The following CDYL variants were observed in gnomAD, a reference collection of about 807,000 sequenced individuals.
CDYL encodes chromodomain Y-like protein.
CDYL carries 8 observed loss-of-function variants against 47.3 expected under a neutral mutation model. That is an observed-to-expected ratio of 0.17 (90% CI 0.10 to 0.31). CDYL has a LOEUF of 0.31. Ranked by LOEUF, CDYL falls within the 10% of genes least tolerant of loss-of-function variation. The pLI, the probability that CDYL is intolerant of heterozygous loss-of-function variation, is 1.00. For synonymous variants in CDYL, 266 were observed against 265.0 expected (o/e 1.00, Z -0.04); for missense variants, 471 against 701.4 (o/e 0.67, Z 3.71).
Position 4,943,770 on chromosome 6 carries a change from TAAAAA to T in CDYL, c.1332+27_1332+31del. The T allele has an allele frequency of 2.6e-6, 3 of 1,172,860 alleles. No homozygotes were observed. The highest frequency in any genetic ancestry group is 3.6e-6 in the Non-Finnish European group (3 of 843,312). The allele number at this position is 1,172,860 out of a possible 1,614,324, so 72.7% of individuals were successfully genotyped here. A position where few individuals can be genotyped will look rare whatever the true frequency, so the allele number is the denominator to read the frequency against. ...GGAGGAGCATCTGTGAGTACCTTTT[TAAAAA>T]AAAAAAAAAAAAGTCATTCTAGAAA... On this transcript the variant is annotated intron_variant, in intron 5 of 6. Transcript: ENST00000397588.
chr6:4,791,414 G>A (rs952226046), intron 1 of CDYL, among the ~76,000 whole-genome samples: 12 of 152,286 alleles, frequency 7.9e-5, no homozygotes, highest in African/African-American at 2.2e-4. Context: ...TTTAGTTCAC[G>A]TCAAAATCTG....
intron 3 of CDYL, among the ~76,000 whole-genome samples, chr6:4,738,788 GATAA>G (rs1757746590): frequency 6.6e-6 from 1 of 152,214 alleles, no homozygotes; most frequent in African/African-American, 2.4e-5. Flanking sequence ...TAGAAGAATG[GATAA>G]ATAAACTACA....
rs183843932 is a variant in CDYL at position 4,837,988 on chromosome 6, G to C, written c.25-53725G>C. Among the ~76,000 whole-genome samples the C allele has an allele frequency of 3.7e-4, 56 of 151,352 alleles. 1 individual carries two copies. The East Asian group carries it at 0.01, about 27-fold the overall frequency. Reference sequence around the variant, plus strand: ...AGATGGGGTTTTGCCATGTTACCCAGGCTCATCTCGAACTCCTGGGCTCAA... The same window carrying C: ...AGATGGGGTTTTGCCATGTTACCCACGCTCATCTCGAACTCCTGGGCTCAA... On this transcript the variant is annotated intron_variant, in intron 1 of 6. Coordinates refer to ENST00000397588, the MANE Select transcript of CDYL (RefSeq NM_004824.4).
chr6:4,868,096 G>T (rs1761372471), intron 1 of CDYL, among the ~76,000 whole-genome samples: 1 of 151,720 alleles, frequency 6.6e-6, no homozygotes, highest in South Asian at 2.1e-4. Flanking sequence ...TTCTGTTGCT[G>T]CTGCTGAATT....
intron 1 of CDYL, chr6:4,890,213 A>C: frequency 1.0e-6 from 1 of 952,450 alleles, no homozygotes; most frequent in Non-Finnish European, 1.3e-6. Context: ...TAAAACTCTT[A>C]AACTATTTCT....
At chr6:4,786,183 G>C (rs544455370) in intron 1 of CDYL, among the ~76,000 whole-genome samples, 82 of 152,320 alleles carry the variant, frequency 5.4e-4, no homozygotes, top group African/African-American at 1.8e-3. Context: ...AATGGCCTTT[G>C]CAAGCCTGAC....
chr6:4,842,536 T>C (rs1363609244), intron 1 of CDYL, among the ~76,000 whole-genome samples: 1 of 152,138 alleles, frequency 6.6e-6, no homozygotes. Flanking sequence ...CTTTGTCTTC[T>C]TTATCTACTG....
At chr6:4,768,663 G>T (rs946018791) in intron 3 of CDYL, among the ~76,000 whole-genome samples, 1 of 152,188 alleles carries the variant, frequency 6.6e-6, no homozygotes, top group African/African-American at 2.4e-5. Flanking sequence ...TAGACACTCT[G>T]CCCTCGAGGG....
chr6:4,807,841 A>T (rs1233518850), intron 1 of CDYL, among the ~76,000 whole-genome samples: 1 of 151,932 alleles, frequency 6.6e-6, no homozygotes, highest in Non-Finnish European at 1.5e-5. Context: ...CCTTGGGGTC[A>T]AGCGATCCAC....
chr6:4,906,631 A>AT (rs1757245935), intron 2 of CDYL, among the ~76,000 whole-genome samples: 1 of 152,230 alleles, frequency 6.6e-6, no homozygotes, highest in Admixed American at 6.5e-5. Context: ...GAAAGTAAGC[A>AT]TAAGTTTAAC....
intron 1 of CDYL, among the ~76,000 whole-genome samples, chr6:4,830,172 C>T (rs1760095762): frequency 6.6e-6 from 1 of 152,240 alleles, no homozygotes; most frequent in Non-Finnish European, 1.5e-5. Context: ...ACCATCCCTG[C>T]AACTGTGAGT....
intron 3 of CDYL, among the ~76,000 whole-genome samples, chr6:4,936,656 T>C (rs1331861539): frequency 6.6e-6 from 1 of 152,214 alleles, no homozygotes; most frequent in African/African-American, 2.4e-5. Flanking sequence ...CTTAACGCAC[T>C]TACGCACCAA....
intron 2 of CDYL, among the ~76,000 whole-genome samples, chr6:4,910,928 G>A (rs1175437411): frequency 2.0e-5 from 3 of 152,180 alleles, no homozygotes; most frequent in African/African-American, 7.2e-5. Context: ...CCACCTCCCA[G>A]GTTCACGCCA....
At chr6:4,929,493 T>TACACACACAC (rs71540836) in intron 2 of CDYL, among the ~76,000 whole-genome samples, 14,729 of 143,866 alleles carry the variant, frequency 0.1, 877 homozygotes, top group Non-Finnish European at 0.13. Flanking sequence ...ATGTTTTACT[T>TACACACACAC]ACACACACAC....
At chr6:4,839,994 T>C (rs1581203625) in intron 1 of CDYL, among the ~76,000 whole-genome samples, 1 of 152,338 alleles carries the variant, frequency 6.6e-6, no homozygotes, top group African/African-American at 2.4e-5. Context: ...ATTGAATTTG[T>C]AGATTGTTTT....
At chr6:4,921,893 C>T (rs1757727848) in intron 2 of CDYL, among the ~76,000 whole-genome samples, 1 of 152,174 alleles carries the variant, frequency 6.6e-6, no homozygotes, top group African/African-American at 2.4e-5. Context: ...TCCATAAAGT[C>T]TTCACCAGCA....
At chr6:4,769,522 A>AT (rs1208963269) in intron 3 of CDYL, among the ~76,000 whole-genome samples, 1 of 152,146 alleles carries the variant, frequency 6.6e-6, no homozygotes, top group Non-Finnish European at 1.5e-5. Flanking sequence ...CTAGTATTTC[A>AT]TTTTTTAAAA....
At chr6:4,884,974 G>A (rs1761863059) in intron 1 of CDYL, among the ~76,000 whole-genome samples, 1 of 152,058 alleles carries the variant, frequency 6.6e-6, no homozygotes, top group African/African-American at 2.4e-5. Flanking sequence ...ATATTAAATG[G>A]AAAATTTTAG....
chr6:4,926,812 T>C lies in CDYL; in HGVS notation c.692-8703T>C, dbSNP rs1453728115. 6.9e-5 allele frequency among the ~76,000 whole-genome samples: 5 copies of C among 72,768 alleles called. No individual in the cohort carries two copies. In the East Asian group the frequency reaches 5.5e-3, roughly 81 times the overall value. 47.7% of individuals were successfully genotyped at this position (72,768 alleles called of 152,430 possible). A position where few individuals can be genotyped will look rare whatever the true frequency, so the allele number is the denominator to read the frequency against. ...GTCTGTCCACATACCCCTTCTGTTA[T>C]CTTTCATTTTTATTTTTTTCATGTA... is the stretch of plus-strand genomic sequence containing the variant. On this transcript the variant is annotated intron_variant, in intron 2 of 6. Transcript: ENST00000397588.
Sources: allele counts gnomAD v4.1 joint callset (sites outside exome capture counted in the v4.1 genomes callset), GRCh38; gene constraint gnomAD v4.1.1; transcripts MANE v1.5; gene names NCBI Gene and HGNC (gene_info 2026-07-23, HGNC 2026-07-21).